Variants in CCDC171 observed in about 807,000 individuals in gnomAD.
CCDC171 encodes the protein coiled-coil domain containing 171.
A neutral mutation model predicts 168.2 loss-of-function variants in CCDC171; 177 were observed. The observed-to-expected ratio is 1.05, with a 90% CI of 0.93 to 1.19. The LOEUF is 1.19. CCDC171 is among the 50% of genes most tolerant of loss of function. CCDC171 has a pLI of 0.00. For synonymous variants in CCDC171, 687 were observed against 540.8 expected (o/e 1.27, Z -3.75); for missense variants, 1,991 against 1,539.0 (o/e 1.29, Z -4.91).
the CCDC171 span, among the ~76,000 whole-genome samples, chr9:16,085,649 C>G: frequency 2.6e-5 from 4 of 152,216 alleles, no homozygotes; most frequent in Non-Finnish European, 4.4e-5. Context: ...CCAGGTCCTC[C>G]CCTGTGATGC....
intron 3 of CCDC171, among the ~76,000 whole-genome samples, chr9:15,985,583 T>C (rs1224582068): frequency 2.0e-5 from 3 of 152,210 alleles, no homozygotes; most frequent in Non-Finnish European, 2.9e-5. Context: ...TTAAGTGACT[T>C]TCCCAAATTA....
At chr9:15,742,274 C>T (rs2054931196) in intron 16 of CCDC171, among the ~76,000 whole-genome samples, 1 of 152,204 alleles carries the variant, frequency 6.6e-6, no homozygotes, top group Middle Eastern at 3.2e-3. Context: ...TATGGCTTCT[C>T]ATACCTCTCT....
At chr9:15,771,066 C>CA (rs2056987625) in intron 18 of CCDC171, among the ~76,000 whole-genome samples, 1 of 152,088 alleles carries the variant, frequency 6.6e-6, no homozygotes, top group South Asian at 2.1e-4. Context: ...ATACTAGTTG[C>CA]ACTGTATATA....
At chr9:15,580,153 C>G (rs1313489592) in intron 4 of CCDC171, among the ~76,000 whole-genome samples, 1 of 152,144 alleles carries the variant, frequency 6.6e-6, no homozygotes, top group Non-Finnish European at 1.5e-5. Flanking sequence ...TGCTGGGATA[C>G]TTGGCAAGCC....
At position 15,608,385 on chromosome 9, in the gene CCDC171, C is replaced by T. The variant is rs571124737; in HGVS notation, c.675+14213C>T. 3.9e-5 allele frequency among the ~76,000 whole-genome samples: 6 copies of T among 152,206 alleles called. No individual in the cohort carries two copies. The South Asian group carries it at 6.2e-4, about 16-fold the overall frequency. On this transcript the variant is annotated intron_variant, in intron 6 of 25. Transcript: ENST00000380701. Reference sequence around the variant, plus strand: ...TTTTTATGTGGGTATGTATTTAGTGCGTATAAAATATGTGCCAAATTGTTC... The same window carrying T: ...TTTTTATGTGGGTATGTATTTAGTGTGTATAAAATATGTGCCAAATTGTTC...
At chr9:15,602,940 G>C (rs1035119779) in intron 6 of CCDC171, among the ~76,000 whole-genome samples, 1 of 152,112 alleles carries the variant, frequency 6.6e-6, no homozygotes, top group African/African-American at 2.4e-5. Context: ...TTACAGGCGT[G>C]AGCCATCTCG....
intron 20 of CCDC171, among the ~76,000 whole-genome samples, chr9:15,784,159 T>A (rs2057817228): frequency 6.6e-6 from 1 of 152,188 alleles, no homozygotes; most frequent in South Asian, 2.1e-4. Context: ...AGGTGATCAC[T>A]TAAAAGCCAA....
At chr9:15,565,814 G>A (rs987276372) in intron 2 of CCDC171, among the ~76,000 whole-genome samples, 1 of 152,186 alleles carries the variant, frequency 6.6e-6, no homozygotes, top group African/African-American at 2.4e-5. Flanking sequence ...ATGCTGCTGT[G>A]CATGTTTGCA....
chr9:15,636,749 CAA>C (rs35778640), intron 7 of CCDC171, among the ~76,000 whole-genome samples: 1,071 of 64,722 alleles, frequency 0.017, 6 homozygotes, highest in African/African-American at 0.037. Context: ...GACCCTGCCT[CAA>C]AAAAAAAAAA....
the CCDC171 span, among the ~76,000 whole-genome samples, chr9:16,096,127 T>C: frequency 5.9e-5 from 9 of 152,214 alleles, no homozygotes; most frequent in Middle Eastern, 3.4e-3. Flanking sequence ...AATTTATTCA[T>C]GTTTTATTTA....
At chr9:15,885,548 C>T (rs1224751779) in intron 24 of CCDC171, 1 of 152,132 alleles carries the variant, frequency 6.6e-6, no homozygotes, top group African/African-American at 2.4e-5. Context: ...GATGGACTGC[C>T]TAGGTGAAGA....
chr9:15,866,260 A>G (rs1164840203), intron 23 of CCDC171, among the ~76,000 whole-genome samples: 2 of 151,848 alleles, frequency 1.3e-5, no homozygotes, highest in African/African-American at 4.8e-5. Context: ...AGCTCTAGAG[A>G]GCACATTTTG....
chr9:15,990,718 G>A (rs1432923585), intron 3 of CCDC171, among the ~76,000 whole-genome samples: 1 of 152,164 alleles, frequency 6.6e-6, no homozygotes, highest in Non-Finnish European at 1.5e-5. Context: ...TCAAAATAAA[G>A]GGATGGAGGA....
chr9:15,594,411 A>G (rs2042198103), intron 6 of CCDC171, among the ~76,000 whole-genome samples: 1 of 152,124 alleles, frequency 6.6e-6, no homozygotes, highest in Non-Finnish European at 1.5e-5. Context: ...AGAAGGATGT[A>G]TATATATTTG....
the CCDC171 span, among the ~76,000 whole-genome samples, chr9:16,090,847 C>T: frequency 6.6e-6 from 1 of 152,214 alleles, no homozygotes; most frequent in East Asian, 1.9e-4. Context: ...CGAATTAATA[C>T]AATGAAGAAA....
intron 1 of CCDC171, among the ~76,000 whole-genome samples, chr9:15,559,560 C>CT (rs900997975): frequency 4.6e-5 from 7 of 151,852 alleles, no homozygotes; most frequent in South Asian, 2.1e-4. Context: ...GCAACCCTGG[C>CT]TTTTTTTTGT....
intron 7 of CCDC171, among the ~76,000 whole-genome samples, chr9:15,627,452 T>C (rs568290537): frequency 2.0e-5 from 3 of 152,314 alleles, no homozygotes; most frequent in Admixed American, 2.0e-4. Context: ...CTTGTGGGCA[T>C]TTAGTGCTGC....
In CCDC171 at chr9:15,666,589, A is replaced by G. The variant is rs894732569; in HGVS notation, c.1076+266A>G. On this transcript the variant is annotated intron_variant, in intron 9 of 25. Transcript: ENST00000380701. ...AATACATTAATGTAGTTTGTATTAT[A>G]TGAGTGATGTAACGCAATATCTTTA... Among the ~76,000 whole-genome samples, 40 of 152,198 alleles carry G rather than the reference A, an allele frequency of 2.6e-4. 3 individuals carry two copies. The highest frequency in any genetic ancestry group is 2.6e-3 in the Admixed American group (40 of 15,270).
intron 3 of CCDC171, among the ~76,000 whole-genome samples, chr9:16,014,479 A>G (rs1832958344): frequency 6.6e-6 from 1 of 152,122 alleles, no homozygotes; most frequent in Non-Finnish European, 1.5e-5. Flanking sequence ...TGAATTACTA[A>G]TGTTCTTAAT....
Sources: allele counts gnomAD v4.1 joint callset (sites outside exome capture counted in the v4.1 genomes callset), GRCh38; gene constraint gnomAD v4.1.1; transcripts MANE v1.5; gene names NCBI Gene and HGNC (gene_info 2026-07-23, HGNC 2026-07-21).